Variants in PEBP4 observed in about 807,000 individuals in gnomAD.
The protein encoded by PEBP4 is phosphatidylethanolamine binding protein 4, also known as phosphatidylethanolamine-binding protein 4.
In PEBP4, 22 loss-of-function variants were observed where a neutral mutation model predicts 23.9. That is an observed-to-expected ratio of 0.92 (90% CI 0.66 to 1.31). PEBP4 has a LOEUF of 1.31. Ranked by LOEUF, PEBP4 falls within the 40% of genes most tolerant of loss-of-function variation. The probability of loss-of-function intolerance (pLI) is 0.00; values close to 1 mark genes in which losing one functional copy is unlikely to be tolerated. For synonymous variants in PEBP4, 112 were observed against 99.3 expected (o/e 1.13, Z -0.76); for missense variants, 324 against 281.7 (o/e 1.15, Z -1.07).
At chr8:22,720,994 G>A (rs569796660) in intron 6 of PEBP4, among the ~76,000 whole-genome samples, 40 of 152,312 alleles carry the variant, frequency 2.6e-4, no homozygotes, top group African/African-American at 8.9e-4. Context: ...AGAGAGGAAG[G>A]AGCTGTGCAA....
At chr8:22,726,005 G>C (rs1401584319) in intron 5 of PEBP4, among the ~76,000 whole-genome samples, 1 of 146,494 alleles carries the variant, frequency 6.8e-6, no homozygotes, top group Non-Finnish European at 1.5e-5. Context: ...ATATATGTGT[G>C]TGTGTGTGTG....
chr8:22,915,479 G>A (rs768753637), intron 3 of PEBP4, among the ~76,000 whole-genome samples: 28 of 150,628 alleles, frequency 1.9e-4, no homozygotes, highest in Non-Finnish European at 3.5e-4. Flanking sequence ...CTGACACCCT[G>A]TGTCCCCATG....
chr8:22,748,107 C>T (rs146809650), intron 4 of PEBP4, among the ~76,000 whole-genome samples: 5 of 152,176 alleles, frequency 3.3e-5, no homozygotes, highest in South Asian at 2.1e-4. Flanking sequence ...GGCACACACC[C>T]GGGCAGGGAG....
At chr8:22,856,491 C>T (rs1484947530) in intron 3 of PEBP4, among the ~76,000 whole-genome samples, 1 of 152,084 alleles carries the variant, frequency 6.6e-6, no homozygotes, top group Non-Finnish European at 1.5e-5. Context: ...CCGAGGCAGG[C>T]GGATTACTTG....
At chr8:22,747,607 G>C (rs2128751290) in intron 4 of PEBP4, 1 of 152,264 alleles carries the variant, frequency 6.6e-6, no homozygotes, top group African/African-American at 2.4e-5. Flanking sequence ...CGCTCAGGGG[G>C]GTGGGGGGCT....
At chr8:22,877,722 G>A (rs901206737) in intron 3 of PEBP4, among the ~76,000 whole-genome samples, 4 of 151,620 alleles carry the variant, frequency 2.6e-5, no homozygotes, top group Non-Finnish European at 5.9e-5. Flanking sequence ...GTGGGCAGCC[G>A]GGGGCTTTCC....
At chr8:22,759,726 G>A (rs530905551) in intron 4 of PEBP4, among the ~76,000 whole-genome samples, 6 of 152,234 alleles carry the variant, frequency 3.9e-5, no homozygotes, top group South Asian at 2.1e-4. Context: ...GTAGTTCCTC[G>A]AGAAGCCCCC....
chr8:22,806,700 T>C (rs979178768), intron 4 of PEBP4, among the ~76,000 whole-genome samples: 2 of 151,898 alleles, frequency 1.3e-5, no homozygotes, highest in Admixed American at 6.6e-5. Context: ...AACTAGAAGA[T>C]TGGTACTAAT....
chr8:22,833,434 C>T (rs973347462), intron 3 of PEBP4, among the ~76,000 whole-genome samples: 2 of 152,162 alleles, frequency 1.3e-5, no homozygotes, highest in African/African-American at 2.4e-5. Flanking sequence ...AGGGTTCAAG[C>T]GAGTCTTCTG....
intron 3 of PEBP4, among the ~76,000 whole-genome samples, chr8:22,839,180 G>C (rs1807269746): frequency 6.6e-6 from 1 of 152,230 alleles, no homozygotes; most frequent in South Asian, 2.1e-4. Context: ...GGATGACCAA[G>C]CCCAGATAGA....
chr8:22,839,375 G>C (rs1255420964), intron 3 of PEBP4, among the ~76,000 whole-genome samples: 3 of 152,130 alleles, frequency 2.0e-5, no homozygotes, highest in Admixed American at 6.5e-5. Flanking sequence ...GGAGCTAGAT[G>C]GGCTCAAGGC....
At chr8:22,871,058 A>G (rs1210304997) in intron 3 of PEBP4, among the ~76,000 whole-genome samples, 2 of 152,140 alleles carry the variant, frequency 1.3e-5, no homozygotes, top group African/African-American at 4.8e-5. Context: ...CCTGACCCCC[A>G]ATCCCAAAGT....
chr8:22,760,155 C>T (rs1298053221), intron 4 of PEBP4, among the ~76,000 whole-genome samples: 1 of 152,150 alleles, frequency 6.6e-6, no homozygotes. Context: ...TCATTGAATA[C>T]TTACAAACCT....
intron 6 of PEBP4, among the ~76,000 whole-genome samples, chr8:22,715,762 T>A (rs1421746894): frequency 6.6e-6 from 1 of 152,214 alleles, no homozygotes; most frequent in Non-Finnish European, 1.5e-5. Flanking sequence ...AGCCTCTTGC[T>A]GCCTCCTTTC....
intron 4 of PEBP4, chr8:22,757,557 C>G (rs1252851979): frequency 6.6e-6 from 1 of 152,184 alleles, no homozygotes; most frequent in Non-Finnish European, 1.5e-5. Context: ...AAGGGAGGCC[C>G]AGAGAGGGAT....
At chr8:22,785,800 A>G (rs189429371) in intron 4 of PEBP4, among the ~76,000 whole-genome samples, 390 of 152,276 alleles carry the variant, frequency 2.6e-3, no homozygotes, top group Non-Finnish European at 4.4e-3. Flanking sequence ...GAGGAGGAAA[A>G]GAGCAGACCG....
chr8:22,910,929 T>C (rs906717063), intron 3 of PEBP4, among the ~76,000 whole-genome samples: 1 of 148,834 alleles, frequency 6.7e-6, no homozygotes, highest in African/African-American at 2.4e-5. Flanking sequence ...TGAGCCCTAA[T>C]GTGAACTATG....
intron 4 of PEBP4, among the ~76,000 whole-genome samples, chr8:22,777,942 C>G (rs1261261144): frequency 1.3e-5 from 2 of 152,176 alleles, no homozygotes; most frequent in South Asian, 2.1e-4. Context: ...TCTCCTCTTT[C>G]CTTTCCCAGG....
At position 22,865,994 on chromosome 8, in the gene PEBP4, T is replaced by C. The variant is rs1407813508; in HGVS notation, c.259-48259A>G. Reference sequence around the variant, plus strand: ...AGCCCCCAGCCGGCCGCGCCAGCGCTGCGCCCACTCTGCTCTCCCAAACCC... The same window carrying C: ...AGCCCCCAGCCGGCCGCGCCAGCGCCGCGCCCACTCTGCTCTCCCAAACCC... On this transcript the variant is annotated intron_variant, in intron 3 of 6. Coordinates refer to ENST00000256404, the MANE Select transcript of PEBP4 (RefSeq NM_144962.3). This position sits in a 1 kb window ranked among gnomAD's most constrained non-coding sequence, Gnocchi z 6.9. 6.6e-6 allele frequency among the ~76,000 whole-genome samples: 1 copy of C among 152,162 alleles called. No homozygotes were observed. Among genetic ancestry groups the C allele is most frequent in the Non-Finnish European group, 1.5e-5 (1 of 68,028 alleles).
Sources: gnomAD v4.1 joint callset for allele counts (sites outside exome capture counted in the v4.1 genomes callset) on GRCh38, gnomAD v4.1.1 for gene constraint, Gnocchi (gnomAD v3.1) non-coding constraint, MANE v1.5 for transcripts, NCBI Gene and HGNC (gene_info 2026-07-23, HGNC 2026-07-21) for gene names.